The following DLGAP2 variants were observed in gnomAD, a reference collection of about 807,000 sequenced individuals.
DLGAP2 encodes the protein DLG associated protein 2.
Under a neutral mutation model 100.3 loss-of-function variants are expected in DLGAP2, and 26 were observed. The ratio of observed to expected loss-of-function variants is 0.26; its 90% CI spans 0.19 to 0.36. The LOEUF is 0.36. DLGAP2 is among the 10% of genes least tolerant of loss of function. The pLI is 1.00. For synonymous variants in DLGAP2, 886 were observed against 630.1 expected, an observed-to-expected ratio of 1.41 and a Z score of -6.08; for missense variants, 1,858 against 1,453.2, an observed-to-expected ratio of 1.28 and a Z score of -4.53.
intron 3 of DLGAP2, among the ~76,000 whole-genome samples, chr8:1,331,761 A>G (rs1801163306): frequency 6.6e-6 from 1 of 152,192 alleles, no homozygotes; most frequent in African/African-American, 2.4e-5. Flanking sequence ...TGGGCTGGGC[A>G]CACCTTCTCT....
chr8:976,345 T>C (rs889809842), intron 2 of DLGAP2, among the ~76,000 whole-genome samples: 3 of 151,928 alleles, frequency 2.0e-5, no homozygotes, highest in African/African-American at 7.3e-5. Flanking sequence ...GGCGTGATGG[T>C]TCAAGCGTGT....
At chr8:1,538,941 A>G (rs1801254324) in intron 4 of DLGAP2, among the ~76,000 whole-genome samples, 1 of 147,952 alleles carries the variant, frequency 6.8e-6, no homozygotes, top group African/African-American at 2.5e-5. Context: ...GCTGGAATGC[A>G]ATGGTGCGAT....
At chr8:1,470,725 C>T (rs1798756271) in intron 3 of DLGAP2, among the ~76,000 whole-genome samples, 1 of 127,568 alleles carries the variant, frequency 7.8e-6, no homozygotes, top group Non-Finnish European at 1.6e-5. Flanking sequence ...CATCACCGAC[C>T]ACGGCCTCCC....
chr8:1,461,710 C>T (rs1798470658), intron 3 of DLGAP2, among the ~76,000 whole-genome samples: 1 of 44,320 alleles, frequency 2.3e-5, no homozygotes, highest in Non-Finnish European at 3.9e-5. Context: ...GATTCGGTGA[C>T]CAGGAGGAGG....
chr8:1,663,975 C>T (rs1798479636), intron 8 of DLGAP2, among the ~76,000 whole-genome samples: 1 of 152,200 alleles, frequency 6.6e-6, no homozygotes, highest in African/African-American at 2.4e-5. Flanking sequence ...CCCAGAGGAG[C>T]CTGCAGACCG....
intron 1 of DLGAP2, among the ~76,000 whole-genome samples, chr8:894,041 T>C (rs984846803): frequency 6.6e-6 from 1 of 152,200 alleles, no homozygotes; most frequent in Non-Finnish European, 1.5e-5. Context: ...TCTTCCCTTC[T>C]GGCAGGCAGG....
At chr8:895,274 C>T (rs747663415) in intron 1 of DLGAP2, among the ~76,000 whole-genome samples, 40 of 152,202 alleles carry the variant, frequency 2.6e-4, no homozygotes, top group Middle Eastern at 3.4e-3. Flanking sequence ...TCATATCGGA[C>T]TCCATAAGTA....
At chr8:933,010 G>A (rs1002981871) in intron 2 of DLGAP2, among the ~76,000 whole-genome samples, 6 of 152,194 alleles carry the variant, frequency 3.9e-5, no homozygotes, top group African/African-American at 1.4e-4. Flanking sequence ...CTTCTTTCCT[G>A]CAAGAATATG....
chr8:1,343,049 G>C (rs17816702), intron 3 of DLGAP2, among the ~76,000 whole-genome samples: 19,141 of 152,148 alleles, frequency 0.13, 1,573 homozygotes, highest in East Asian at 0.4. Context: ...TGTACTTTTT[G>C]TTCATATTTT....
chr8:1,539,348 T>A (rs1369562182), intron 4 of DLGAP2, among the ~76,000 whole-genome samples: 3 of 152,212 alleles, frequency 2.0e-5, no homozygotes, highest in Non-Finnish European at 2.9e-5. Flanking sequence ...CAAGTCCATC[T>A]GGGTGAGGAC....
rs190945722 is a variant in DLGAP2, at chr8:1,415,180, G to A, written c.107-86186G>A. ...GGCAACTCTATTCTGCCAACCTGTG[G>A]GCTGTGTCTATCTTTAATCTGTGAA... On this transcript the variant is annotated intron_variant, in intron 3 of 14. Coordinates refer to ENST00000637795, the MANE Select transcript of DLGAP2 (RefSeq NM_001346810.2). 1.4e-3 allele frequency among the ~76,000 whole-genome samples: 216 copies of A among 152,280 alleles called. 2 individuals carry two copies. The highest frequency in any genetic ancestry group is 4.7e-3 in the African/African-American group (197 of 41,550).
intron 3 of DLGAP2, among the ~76,000 whole-genome samples, chr8:1,282,801 C>T (rs1489491391): frequency 7.6e-5 from 7 of 92,692 alleles, no homozygotes; most frequent in Admixed American, 1.1e-4. Context: ...GAGCCCAGCA[C>T]GTGAACCATC....
intron 2 of DLGAP2, among the ~76,000 whole-genome samples, chr8:1,049,871 GTC>G (rs1336901461): frequency 7.4e-6 from 1 of 135,460 alleles, no homozygotes; most frequent in Non-Finnish European, 1.7e-5. Flanking sequence ...CGCATTTACA[GTC>G]ACACACAAGT....
intron 3 of DLGAP2, among the ~76,000 whole-genome samples, chr8:1,310,457 C>A (rs1477773913): frequency 6.6e-6 from 1 of 152,104 alleles, no homozygotes; most frequent in Non-Finnish European, 1.5e-5. Context: ...CAATAGTAAG[C>A]AGGACGTCTA....
chr8:779,622 C>T (rs562361284), intron 1 of DLGAP2, among the ~76,000 whole-genome samples: 229 of 152,012 alleles, frequency 1.5e-3, no homozygotes, highest in Non-Finnish European at 1.9e-3. Context: ...AGCCACCATG[C>T]CTAGCCTAAT....
chr8:1,433,738 CTTT>C (rs3052055), intron 3 of DLGAP2, among the ~76,000 whole-genome samples: 28,874 of 124,016 alleles, frequency 0.23, 3,129 homozygotes, highest in Middle Eastern at 0.31. Context: ...GCAAAACTGG[CTTT>C]TTTTTTTTTT....
At chr8:750,118 G>A (rs1358805844) in intron 1 of DLGAP2, among the ~76,000 whole-genome samples, 1 of 152,256 alleles carries the variant, frequency 6.6e-6, no homozygotes, top group African/African-American at 2.4e-5. Flanking sequence ...ACATTCCTGG[G>A]TGGAAGGGCT....
At chr8:1,194,643 C>A (rs113815685) in intron 2 of DLGAP2, among the ~76,000 whole-genome samples, 1 of 152,192 alleles carries the variant, frequency 6.6e-6, no homozygotes, top group Admixed American at 6.5e-5. Context: ...GCTATAGGAA[C>A]GTGTTGGGGC....
intron 2 of DLGAP2, among the ~76,000 whole-genome samples, chr8:1,139,780 GAC>G (rs1158041769): frequency 3.3e-5 from 5 of 152,146 alleles, no homozygotes; most frequent in Non-Finnish European, 7.4e-5. Context: ...TTTGGGGTCT[GAC>G]AGGTCCCAGG....
Sources: allele counts gnomAD v4.1 joint callset (sites outside exome capture counted in the v4.1 genomes callset), GRCh38; gene constraint gnomAD v4.1.1; transcripts MANE v1.5; gene names NCBI Gene and HGNC (gene_info 2026-07-23, HGNC 2026-07-21).